ZFHX4: variants seen among roughly 807,000 people sequenced by gnomAD.
The protein encoded by ZFHX4 is zinc finger homeobox protein 4.
Under a neutral mutation model 267.6 loss-of-function variants are expected in ZFHX4, and 56 were observed. That is an observed-to-expected ratio of 0.21 (90% CI 0.17 to 0.26). The LOEUF is 0.26. Ranked by LOEUF, ZFHX4 falls within the 10% of genes least tolerant of loss-of-function variation. The pLI is 1.00. For synonymous variants in ZFHX4, 1,778 were observed against 1,665.6 expected (o/e 1.07, Z -1.64); for missense variants, 4,332 against 4,420.0 (o/e 0.98, Z 0.56).
intron 5 of ZFHX4, 178 bp downstream of exon 5, chr8:76,833,584 A>G (rs1339279251): frequency 5.4e-6 from 3 of 552,942 alleles, no homozygotes; most frequent in East Asian, 3.3e-5. Context: ...AAGTATATGT[A>G]AATTGACTTT....
chr8:76,832,035 A>G (rs1337690160), intron 4 of ZFHX4, among the ~76,000 whole-genome samples: 1 of 151,224 alleles, frequency 6.6e-6, no homozygotes, highest in Non-Finnish European at 1.5e-5. Flanking sequence ...TTATGATTGT[A>G]TTGTTTTTAA....
chr8:76,787,626 C>A (rs1371964113), intron 4 of ZFHX4, among the ~76,000 whole-genome samples: 2 of 144,692 alleles, frequency 1.4e-5, no homozygotes, highest in Non-Finnish European at 1.5e-5. Flanking sequence ...CACGGTGAAA[C>A]CCCATCTCCA....
At chr8:76,709,527 G>GAA in intron 3 of ZFHX4, among the ~76,000 whole-genome samples, 1 of 151,972 alleles carries the variant, frequency 6.6e-6, no homozygotes, top group East Asian at 1.9e-4. Context: ...ACCTAGGAGA[G>GAA]AAAAACAAAC....
rs1812602872 is a variant in ZFHX4 at position 76,853,326 on chromosome 8, A to C, written c.6405A>C (p.Arg2135Ser). The change falls in exon 10 of 11, where the codon AGA (arginine) becomes AGC (serine). Residue 2135 changes from arginine to serine, a missense_variant. Physicochemically the swap from Arg to Ser is moderately radical, Grantham distance 110 (BLOSUM62 -1). Coordinates refer to ENST00000651372, the MANE Select transcript of ZFHX4 (RefSeq NM_024721.5). The stretch of plus-strand genomic sequence containing the variant: ...CTCAGTTCAAACGCCCACGGACAAG[A>C]ATTACAGATGATCAGCTAAAAATCC... ...RHSQFKRPRT[R>S]ITDDQLKILR... The C allele has an allele frequency of 6.2e-7, 1 of 1,613,576 alleles. No individual in the cohort carries two copies. The highest frequency in any genetic ancestry group is 1.3e-5 in the African/African-American group (1 of 74,904).
intron 3 of ZFHX4, among the ~76,000 whole-genome samples, chr8:76,735,757 G>A (rs1300304853): frequency 6.6e-6 from 1 of 152,052 alleles, no homozygotes; most frequent in Non-Finnish European, 1.5e-5. Context: ...TTAGGTCAAT[G>A]GATCGAGGGG....
chr8:76,852,317 A>G lies in ZFHX4; in HGVS notation c.5396A>G (p.Gln1799Arg), dbSNP rs768424608. ...ACTCAACTCCAGATACTACAGCAAC[A>G]AGCACAACAATACCAAGCCACACAG... ...GQTQLQILQQ[Q>R]AQQYQATQPQ... The change falls in exon 10 of 11, where the codon CAA (glutamine) becomes CGA (arginine). Residue 1799 changes from glutamine (Q) to arginine (R), a missense_variant. Physicochemically the swap from Gln to Arg is conservative, Grantham distance 43. Coordinates refer to ENST00000651372, the MANE Select transcript of ZFHX4 (RefSeq NM_024721.5). The G allele has an allele frequency of 1.3e-6, 2 of 1,555,510 alleles. No individual in the cohort carries two copies. The highest frequency in any genetic ancestry group is 4.9e-5 in the East Asian group (2 of 41,136).
At chr8:76,816,590 CT>C (rs950143569) in intron 4 of ZFHX4, among the ~76,000 whole-genome samples, 5,090 of 112,990 alleles carry the variant, frequency 0.045, 35 homozygotes, top group Non-Finnish European at 0.06. Flanking sequence ...ATTTAAATGT[CT>C]TTTTTTTTTT....
chr8:76,777,227 A>T (rs926799529), intron 3 of ZFHX4, among the ~76,000 whole-genome samples: 10 of 152,188 alleles, frequency 6.6e-5, no homozygotes, highest in African/African-American at 2.4e-4. Flanking sequence ...AATGGGGGAA[A>T]AGTTTTTTTA....
intron 3 of ZFHX4, among the ~76,000 whole-genome samples, chr8:76,714,461 C>T (rs1463765916): frequency 6.6e-6 from 1 of 152,170 alleles, no homozygotes; most frequent in African/African-American, 2.4e-5. Context: ...GCCTGCCCCC[C>T]AAATTATCAG....
chr8:76,734,413 C>T (rs1809104484), intron 3 of ZFHX4, among the ~76,000 whole-genome samples: 1 of 152,172 alleles, frequency 6.6e-6, no homozygotes, highest in African/African-American at 2.4e-5. Context: ...TATTCTAATA[C>T]AGTACACGGA....
chr8:76,721,782 T>C (rs1258914830), intron 3 of ZFHX4, among the ~76,000 whole-genome samples: 1 of 152,150 alleles, frequency 6.6e-6, no homozygotes, highest in Admixed American at 6.6e-5. Context: ...TGTTGAAAAA[T>C]AATGTACAGT....
At chr8:76,707,424 G>A in intron 2 of ZFHX4, 122 bp from the exon 3 acceptor site, 2 of 911,566 alleles carry the variant, frequency 2.2e-6, no homozygotes, top group Non-Finnish European at 1.6e-6. Context: ...TCCTATTACA[G>A]CTTTTTATAG....
At chr8:76,821,300 C>A (rs974786402) in intron 4 of ZFHX4, among the ~76,000 whole-genome samples, 3 of 152,136 alleles carry the variant, frequency 2.0e-5, no homozygotes, top group Non-Finnish European at 2.9e-5. Flanking sequence ...ATTTTTACAG[C>A]AGACACTTCT....
intron 3 of ZFHX4, among the ~76,000 whole-genome samples, chr8:76,751,126 A>G (rs1809603994): frequency 6.6e-6 from 1 of 152,144 alleles, no homozygotes. Flanking sequence ...AATTCACAGA[A>G]GATCAATTCT....
Position 76,855,135 on chromosome 8 carries a change from T to A in ZFHX4, c.8214T>A (p.Thr2738=), listed in dbSNP as rs769739784. 6.2e-7 allele frequency: 1 copy of A among 1,613,660 alleles called. No individual in the cohort carries two copies. The highest frequency in any genetic ancestry group is 8.5e-7 in the Non-Finnish European group (1 of 1,179,738). ...IYFDYPSLPL[T]KIDLSSENEL... ...TTGATTACCCATCTTTGCCATTAAC[T>A]AAAATTGATCTATCAAGTGAGAATG... The change falls in exon 10 of 11, where the codon ACT becomes ACA. Residue 2738 remains threonine, a synonymous_variant. Transcript: ENST00000651372.
At chr8:76,718,588 T>G (rs567070479) in intron 3 of ZFHX4, among the ~76,000 whole-genome samples, 59 of 152,264 alleles carry the variant, frequency 3.9e-4, no homozygotes, top group Admixed American at 7.2e-4. Context: ...ACAAATAACT[T>G]TTTTTCAGAG....
intron 3 of ZFHX4, among the ~76,000 whole-genome samples, chr8:76,758,696 T>C (rs1201912974): frequency 6.6e-6 from 1 of 152,164 alleles, no homozygotes; most frequent in East Asian, 1.9e-4. Flanking sequence ...GGTTTTGCTA[T>C]GTTGCCTAGG....
intron 6 of ZFHX4, among the ~76,000 whole-genome samples, chr8:76,848,598 T>C (rs1812423204): frequency 6.6e-6 from 1 of 152,188 alleles, no homozygotes; most frequent in South Asian, 2.1e-4. Context: ...ATATTTTAAG[T>C]GTCAAAGAAT....
At chr8:76,847,097 C>T (rs1432271396) in intron 6 of ZFHX4, among the ~76,000 whole-genome samples, 1 of 152,076 alleles carries the variant, frequency 6.6e-6, no homozygotes, top group Non-Finnish European at 1.5e-5. Context: ...ATTTAAATGG[C>T]AATGATTTTA....
Sources: allele counts gnomAD v4.1 joint callset (sites outside exome capture counted in the v4.1 genomes callset), GRCh38; gene constraint gnomAD v4.1.1; transcripts MANE v1.5; gene names NCBI Gene and HGNC (gene_info 2026-07-23, HGNC 2026-07-21).